The following CNOT11 variants were observed in gnomAD, a reference collection of about 807,000 sequenced individuals.
CNOT11 encodes the protein UPF0760 protein C2orf29.
CNOT11 carries 18 observed loss-of-function variants against 44.6 expected under a neutral mutation model. The ratio of observed to expected loss-of-function variants is 0.40; its 90% CI spans 0.28 to 0.60. The LOEUF is 0.60. CNOT11 is among the 20% of genes least tolerant of loss of function. The pLI, the probability that CNOT11 is intolerant of heterozygous loss-of-function variation, is 0.38. For missense variants in CNOT11, 513 were observed against 677.0 expected, an observed-to-expected ratio of 0.76 and a Z score of 2.69; for synonymous variants, 291 against 270.9, an observed-to-expected ratio of 1.07 and a Z score of -0.73.
At chr2:101,265,563 G>T (rs1681962769) in intron 4 of CNOT11, among the ~76,000 whole-genome samples, 1 of 152,220 alleles carries the variant, frequency 6.6e-6, no homozygotes. Flanking sequence ...GGTGGGGCAA[G>T]AAGTCTGATG....
In CNOT11 at chr2:101,264,929, C is replaced by T. The variant is rs755965379; in HGVS notation, c.917C>T (p.Pro306Leu). 1 of 1,614,178 alleles carries T rather than the reference C, an allele frequency of 6.2e-7. No homozygotes were observed. The highest frequency in any genetic ancestry group is 1.1e-5 in the South Asian group (1 of 91,088). ...DELAWLNPTE[P>L]DHAIQWDKSM... ...CTTGCTTGGCTAAACCCCACGGAGC[C>T]TGACCACGCGATCCAGTGGGATAAA... Residue 306 changes from proline (P) to leucine (L), a missense_variant, in exon 4 of 7, where the codon CCT becomes CTT. Physicochemically the swap from Pro to Leu is moderately conservative, Grantham distance 98. This residue lies in a region of CNOT11 where 140 missense variants were observed against 169.8 expected (regional missense o/e 0.82). Transcript: ENST00000289382.
At chr2:101,257,670 A>G in intron 1 of CNOT11, 121 bp from the exon 2 acceptor site, 1 of 709,106 alleles carries the variant, frequency 1.4e-6, no homozygotes, top group Non-Finnish European at 2.4e-6. Flanking sequence ...AAACTTAATC[A>G]TAATTTAGTT....
In CNOT11 at chr2:101,261,791, C is replaced by T. The variant is rs187015026; in HGVS notation, c.680-748C>T. On this transcript the variant is annotated intron_variant, in intron 2 of 6. Transcript: ENST00000289382. The stretch of plus-strand genomic sequence containing the variant: ...TTTTTGGCCATTCAAGCTTTTTAAA[C>T]AAAATCCTTATTAAAGTTACTAGTC... Among the ~76,000 whole-genome samples the T allele has an allele frequency of 4.5e-3, 677 of 149,618 alleles. 3 individuals are homozygous for T. Among genetic ancestry groups the T allele is most frequent in the African/African-American group, 0.016 (642 of 40,988 alleles).
At chr2:101,265,760 G>GC (rs760620167) in intron 4 of CNOT11, among the ~76,000 whole-genome samples, 2 of 152,094 alleles carry the variant, frequency 1.3e-5, no homozygotes, top group Non-Finnish European at 2.9e-5. Context: ...AGGGGAACCC[G>GC]CCCCCATCAC....
At position 101,269,242 on chromosome 2, in the gene CNOT11, G is replaced by A. The variant is rs1682057495; in HGVS notation, c.1362G>A (p.Val454=). The A allele has an allele frequency of 6.2e-7, 1 of 1,612,996 alleles. No homozygotes were observed. Residue 454 remains valine (V), a synonymous_variant, in exon 7 of 7, where the codon GTG becomes GTA. Transcript: ENST00000289382. The surrounding 1 kb of genome is among the most constrained non-coding windows in gnomAD (Gnocchi z 4.8). ...ATCGGTTGGTGCGTCTTGTGTGTGT[G>A]TTTCTCCAATCCTTGATCCGTAACA... is the stretch of plus-strand genomic sequence containing the variant. ...MQNRLVRLVC[V]FLQSLIRNKI...
chr2:101,270,256 T>TA lies in CNOT11; in HGVS notation c.*844dup, dbSNP rs1267713844. 1 of 152,628 alleles carries TA rather than the reference T, an allele frequency of 6.6e-6. No individual in the cohort carries two copies. The highest frequency in any genetic ancestry group is 6.5e-5 in the Admixed American group (1 of 15,270). 9.5% of individuals were successfully genotyped at this position (152,628 alleles called of 1,614,324 possible). On this transcript the variant is annotated 3_prime_UTR_variant, in exon 7 of 7. Coordinates refer to ENST00000289382, the MANE Select transcript of CNOT11 (RefSeq NM_017546.5). ...AGCAGGGTGGTACCGTGTGGGCTCTTACCCTTTATGTGATTTTGGACAACA... is the reference window on the plus strand; with the variant it reads ...AGCAGGGTGGTACCGTGTGGGCTCTTAACCCTTTATGTGATTTTGGACAACA...
At chr2:101,265,126 A>T (rs1681952991) in intron 4 of CNOT11, 79 bp downstream of exon 4, 20 of 1,014,704 alleles carry the variant, frequency 2.0e-5, no homozygotes, top group East Asian at 2.8e-5. Flanking sequence ...TTTGAGACAG[A>T]GTCTCACTCG....
intron 1 of CNOT11, among the ~76,000 whole-genome samples, chr2:101,256,774 C>G (rs933154808): frequency 6.6e-6 from 1 of 152,178 alleles, no homozygotes; most frequent in Non-Finnish European, 1.5e-5. Context: ...TTGGGCCAGG[C>G]GTGGTGGCTC....
At chr2:101,261,383 C>T (rs927687881) in intron 2 of CNOT11, among the ~76,000 whole-genome samples, 1 of 152,158 alleles carries the variant, frequency 6.6e-6, no homozygotes, top group East Asian at 1.9e-4. Context: ...ATGCTGATGG[C>T]GTGTAACTGC....
chr2:101,261,844 C>CTTTTTTTTTTTTTT (rs3044629), intron 2 of CNOT11, among the ~76,000 whole-genome samples: 2 of 111,854 alleles, frequency 1.8e-5, no homozygotes, highest in Non-Finnish European at 3.5e-5. Context: ...TTCTTTCTTT[C>CTTTTTTTTTTTTTT]TTTTTTTTTT....
chr2:101,269,269 A>T lies in CNOT11; in HGVS notation c.1389A>T (p.Lys463Asn). Residue 463 changes from lysine (K) to asparagine (N), a missense_variant, in exon 7 of 7, where the codon AAA (lysine) becomes AAT (asparagine). Physicochemically the swap from Lys to Asn is moderately conservative, Grantham distance 94 (BLOSUM62 0). Transcript: ENST00000289382. This position sits in a 1 kb window ranked among gnomAD's most constrained non-coding sequence, Gnocchi z 4.8. Reference protein sequence around the residue: ...CVFLQSLIRNKIINVQDLFIE... With the variant: ...CVFLQSLIRNNIINVQDLFIE... ...TTCTCCAATCCTTGATCCGTAACAA[A>T]ATTATTAATGTACAGGATTTGTTTA... 6.2e-7 allele frequency: 1 copy of T among 1,614,044 alleles called. No individual in the cohort carries two copies. Among genetic ancestry groups the T allele is most frequent in the Non-Finnish European group, 8.5e-7 (1 of 1,180,002 alleles).
chr2:101,262,870 TTTC>T (rs1236672480), intron 3 of CNOT11, among the ~76,000 whole-genome samples, 179 bp downstream of exon 3: 3 of 152,204 alleles, frequency 2.0e-5, no homozygotes, highest in African/African-American at 7.2e-5. Flanking sequence ...TGACAGTTAA[TTTC>T]TTCTTTAAGA....
At chr2:101,264,821 CA>C in intron 3 of CNOT11, 23 bp from the exon 4 acceptor site, 1 of 1,595,446 alleles carries the variant, frequency 6.3e-7, no homozygotes, top group Non-Finnish European at 8.6e-7. Flanking sequence ...CTGATAGGAG[CA>C]ACTATCACGG....
intron 2 of CNOT11, among the ~76,000 whole-genome samples, chr2:101,260,060 CAA>C (rs1681818663): frequency 6.6e-6 from 1 of 152,052 alleles, no homozygotes; most frequent in South Asian, 2.1e-4. Flanking sequence ...AAAGCAGAGA[CAA>C]GAACAATGTA....
intron 4 of CNOT11, 58 bp from the exon 5 acceptor site, chr2:101,266,618 AT>A: frequency 7.4e-7 from 1 of 1,342,528 alleles, no homozygotes; most frequent in African/African-American, 1.5e-5. Context: ...GGGAAAAAAA[AT>A]TGACTCAACA....
intron 2 of CNOT11, among the ~76,000 whole-genome samples, chr2:101,260,452 C>T (rs1256877170): frequency 2.0e-5 from 3 of 152,210 alleles, no homozygotes; most frequent in South Asian, 2.1e-4. Context: ...GAAGCCTGGC[C>T]GAGTGGCTAA....
chr2:101,262,510 C>G (rs887428812), intron 2 of CNOT11, 29 bp from the exon 3 acceptor site: 2 of 1,609,482 alleles, frequency 1.2e-6, no homozygotes, highest in African/African-American at 2.7e-5. Flanking sequence ...TCATGATGTC[C>G]ATAATTTTAA....
intron 2 of CNOT11, among the ~76,000 whole-genome samples, chr2:101,260,777 GACAA>G (rs953390880): frequency 2.0e-5 from 3 of 151,558 alleles, no homozygotes; most frequent in African/African-American, 4.8e-5. Flanking sequence ...ATTTATTCCT[GACAA>G]ACACCTACCA....
In CNOT11 at chr2:101,257,963, G is replaced by A; in HGVS notation, c.679+8G>A. 1 of 1,608,714 alleles carries A rather than the reference G, an allele frequency of 6.2e-7. No individual in the cohort carries two copies. The highest frequency in any genetic ancestry group is 8.5e-7 in the Non-Finnish European group (1 of 1,177,008). On this transcript the variant is annotated splice_region_variant and intron_variant, in intron 2 of 6. Coordinates refer to ENST00000289382, the MANE Select transcript of CNOT11 (RefSeq NM_017546.5). Reference sequence around the variant, plus strand: ...TTCAGTTAGCCTTGGCCGGTAAGGAGGAATCAGTGTTTTGGGCATTTCTGT... The same window carrying A: ...TTCAGTTAGCCTTGGCCGGTAAGGAAGAATCAGTGTTTTGGGCATTTCTGT...
Sources: allele counts gnomAD v4.1 joint callset (sites outside exome capture counted in the v4.1 genomes callset), GRCh38; gene constraint gnomAD v4.1.1; regional missense constraint gnomAD v4.1.1; non-coding constraint Gnocchi (gnomAD v3.1); transcripts MANE v1.5; gene names NCBI Gene and HGNC (gene_info 2026-07-23, HGNC 2026-07-21).